The following IGFBP5 variants were observed in gnomAD, a reference collection of about 807,000 sequenced individuals.
IGFBP5 encodes insulin-like growth factor-binding protein 5.
A neutral mutation model predicts 28.0 loss-of-function variants in IGFBP5; 12 were observed. The ratio of observed to expected loss-of-function variants is 0.43; its 90% confidence interval spans 0.27 to 0.69. IGFBP5 has a LOEUF of 0.69. IGFBP5 is among the 30% of genes least tolerant of loss of function. IGFBP5 has a pLI of 0.20. For missense variants in IGFBP5, 344 were observed against 381.6 expected (o/e 0.90, Z 0.82); for synonymous variants, 152 against 150.2 (o/e 1.01, Z -0.09).
chr2:216,694,348 G>C lies in IGFBP5; in HGVS notation c.337+91C>G. 8.5e-7 allele frequency: 1 copy of C among 1,176,392 alleles called. No homozygotes were observed. Among genetic ancestry groups the C allele is most frequent in the South Asian group, 1.7e-5 (1 of 60,386 alleles). 72.9% of individuals were successfully genotyped at this position (1,176,392 alleles called of 1,614,324 possible). Reference sequence around the variant, plus strand: ...CTCCCGAGCTGCACCCCAGCTCGAAGCCACTTGCTGCGCAAAGCGCGCGGG... The same window carrying C: ...CTCCCGAGCTGCACCCCAGCTCGAACCCACTTGCTGCGCAAAGCGCGCGGG... On this transcript the variant is annotated intron_variant, in intron 1 of 3. Coordinates refer to ENST00000233813, the MANE Select transcript of IGFBP5 (RefSeq NM_000599.4). The surrounding 1 kb of genome is among the most constrained non-coding windows in gnomAD (Gnocchi z 5.2).
chr2:216,683,345 T>A (rs1689001411), intron 1 of IGFBP5, among the ~76,000 whole-genome samples: 1 of 152,100 alleles, frequency 6.6e-6, no homozygotes, highest in Non-Finnish European at 1.5e-5. Flanking sequence ...CACTGCACTC[T>A]AGCCTGGGGG....
Position 216,694,841 on chromosome 2 carries a change from C to A in IGFBP5, c.-66G>T. ...GAGCGAGAGTGCAGGGATAAAGGGG[C>A]CAAGAGGGCCCCCGGAGATTTTTTT... On this transcript the variant is annotated 5_prime_UTR_variant, in exon 1 of 4. Transcript: ENST00000233813. The surrounding 1 kb of genome is among the most constrained non-coding windows in gnomAD (Gnocchi z 5.2). The A allele has an allele frequency of 4.6e-6, 5 of 1,080,946 alleles. No homozygotes were observed. Among genetic ancestry groups the A allele is most frequent in the Non-Finnish European group, 6.0e-6 (5 of 833,922 alleles). The allele number at this position is 1,080,946 out of a possible 1,614,324, so 67.0% of individuals were successfully genotyped here. A position where few individuals can be genotyped will look rare whatever the true frequency, so the allele number is the denominator to read the frequency against.
At chr2:216,682,219 T>C (rs986864517) in intron 1 of IGFBP5, among the ~76,000 whole-genome samples, 22 of 152,070 alleles carry the variant, frequency 1.4e-4, no homozygotes, top group African/African-American at 5.1e-4. Context: ...ACCTATTCCT[T>C]AGGCAGCAGC....
intron 2 of IGFBP5, 39 bp from the exon 3 acceptor site, chr2:216,678,270 G>A (rs759734959): frequency 3.4e-6 from 5 of 1,481,824 alleles, no homozygotes; most frequent in South Asian, 2.9e-5. Context: ...GCGAGACCAA[G>A]GGAAAACCAC....
Position 216,688,328 on chromosome 2 carries a change from C to T in IGFBP5, c.337+6111G>A, listed in dbSNP as rs560679347. Among the ~76,000 whole-genome samples, 14 of 152,044 alleles carry T rather than the reference C, an allele frequency of 9.2e-5. No individual in the cohort carries two copies. In the South Asian group the frequency reaches 1.2e-3, roughly 14 times the overall value. Reference sequence around the variant, plus strand: ...GATGAGCTGTAAGTGTAAAAAACACCGGATTTCAAAGGCTAAATATGAAGG... The same window carrying T: ...GATGAGCTGTAAGTGTAAAAAACACTGGATTTCAAAGGCTAAATATGAAGG... On this transcript the variant is annotated intron_variant, in intron 1 of 3. Coordinates refer to ENST00000233813, the MANE Select transcript of IGFBP5 (RefSeq NM_000599.4).
rs1202316054 is a variant in IGFBP5 at position 216,679,088 on chromosome 2, G to A, written c.338-9C>T. 2 of 1,612,960 alleles carry A rather than the reference G, an allele frequency of 1.2e-6. No individual in the cohort carries two copies. Among genetic ancestry groups the A allele is most frequent in the African/African-American group, 2.7e-5 (2 of 74,908 alleles). ...CTCACGGGAGTCTCTCTCTGCAGGA[G>A]AAGGAGCCGGAGGGTCAGCCCCCGT... On this transcript the variant is annotated splice_polypyrimidine_tract_variant and intron_variant, in intron 1 of 3. Coordinates refer to ENST00000233813, the MANE Select transcript of IGFBP5 (RefSeq NM_000599.4). The surrounding 1 kb of genome is among the most constrained non-coding windows in gnomAD (Gnocchi z 4.6).
Position 216,675,935 on chromosome 2 carries a change from T to C in IGFBP5, c.*816A>G, listed in dbSNP as rs1326268813. On this transcript the variant is annotated 3_prime_UTR_variant, in exon 4 of 4. Transcript: ENST00000233813. ...GTAGTCACCGTGGAAGAACAAGTCT[T>C]TCCAATATTGGGGCATGTATTGATT... 6.6e-6 allele frequency: 1 copy of C among 152,426 alleles called. No individual in the cohort carries two copies. The highest frequency in any genetic ancestry group is 1.5e-5 in the Non-Finnish European group (1 of 68,020). The allele number at this position is 152,426 out of a possible 1,614,324, so 9.4% of individuals were successfully genotyped here. A position where few individuals can be genotyped will look rare whatever the true frequency, so the allele number is the denominator to read the frequency against.
Position 216,676,558 on chromosome 2 carries a change from A to C in IGFBP5, c.*193T>G. On this transcript the variant is annotated 3_prime_UTR_variant, in exon 4 of 4. Transcript: ENST00000233813. Reference sequence around the variant, plus strand: ...GGGGGGTGTCTTTTTAGCTTTTTGCATCTCTGTTGTTGCCATTTTCGAAGT... The same window carrying C: ...GGGGGGTGTCTTTTTAGCTTTTTGCCTCTCTGTTGTTGCCATTTTCGAAGT... The C allele has an allele frequency of 2.4e-6, 1 of 414,578 alleles. No homozygotes were observed. The highest frequency in any genetic ancestry group is 4.3e-6 in the Non-Finnish European group (1 of 230,710). The allele number at this position is 414,578 out of a possible 1,614,324, so 25.7% of individuals were successfully genotyped here. A position where few individuals can be genotyped will look rare whatever the true frequency, so the allele number is the denominator to read the frequency against.
chr2:216,673,070 G>A lies in IGFBP5; in HGVS notation c.*3681C>T, dbSNP rs561226267. 1 of 152,644 alleles carries A rather than the reference G, an allele frequency of 6.6e-6. No individual in the cohort carries two copies. Among genetic ancestry groups the A allele is most frequent in the East Asian group, 1.9e-4 (1 of 5,182 alleles). The allele number at this position is 152,644 out of a possible 1,614,324, so 9.5% of individuals were successfully genotyped here. ...TCTTCTCCTTAGAGCTCTTCTCTGA[G>A]GTTCCCATTCTGGGCCGGAGCCCTC... On this transcript the variant is annotated 3_prime_UTR_variant, in exon 4 of 4. Coordinates refer to ENST00000233813, the MANE Select transcript of IGFBP5 (RefSeq NM_000599.4). The surrounding 1 kb of genome is among the most constrained non-coding windows in gnomAD (Gnocchi z 4.3).
intron 2 of IGFBP5, 126 bp from the exon 3 acceptor site, chr2:216,678,357 T>C: frequency 1.0e-6 from 1 of 977,924 alleles, no homozygotes; most frequent in Non-Finnish European, 1.4e-6. Context: ...TTGGTTCTAA[T>C]CATCTGCTAC....
chr2:216,686,507 A>T (rs1232102419), intron 1 of IGFBP5, among the ~76,000 whole-genome samples: 2 of 151,970 alleles, frequency 1.3e-5, no homozygotes, highest in African/African-American at 4.8e-5. Context: ...AGTCCTAGCA[A>T]TGGGGAGTCT....
Position 216,673,227 on chromosome 2 carries a change from C to T in IGFBP5, c.*3524G>A, listed in dbSNP as rs1688856148. ...TTGAGGCCCACCCTCTAGGGGAGGC[C>T]AGCCCTGTGGGGGTACCATGGAGGC... is the stretch of plus-strand genomic sequence containing the variant. On this transcript the variant is annotated 3_prime_UTR_variant, in exon 4 of 4. Coordinates refer to ENST00000233813, the MANE Select transcript of IGFBP5 (RefSeq NM_000599.4). The surrounding 1 kb of genome is among the most constrained non-coding windows in gnomAD (Gnocchi z 4.3). 6.6e-6 allele frequency: 1 copy of T among 152,430 alleles called. No homozygotes were observed. Among genetic ancestry groups the T allele is most frequent in the Non-Finnish European group, 1.5e-5 (1 of 68,172 alleles). 9.4% of individuals were successfully genotyped at this position (152,430 alleles called of 1,614,324 possible). A position where few individuals can be genotyped will look rare whatever the true frequency, so the allele number is the denominator to read the frequency against.
At chr2:216,684,733 C>T (rs1033077587) in intron 1 of IGFBP5, among the ~76,000 whole-genome samples, 1 of 152,200 alleles carries the variant, frequency 6.6e-6, no homozygotes, top group African/African-American at 2.4e-5. Flanking sequence ...AATAAATAAC[C>T]TTTAAATGGA....
intron 1 of IGFBP5, among the ~76,000 whole-genome samples, chr2:216,680,454 G>T (rs184343658): frequency 6.6e-6 from 1 of 152,262 alleles, no homozygotes; most frequent in East Asian, 1.9e-4. Context: ...TATGCCTCTG[G>T]GCAGGTATAG....
rs541497217 is a variant in IGFBP5 at position 216,693,670 on chromosome 2, C to T, written c.337+769G>A. On this transcript the variant is annotated intron_variant, in intron 1 of 3. Coordinates refer to ENST00000233813, the MANE Select transcript of IGFBP5 (RefSeq NM_000599.4). ...GCACAGAATACCAAACCCTTCCTTT[C>T]TACTCTTCCCCACCCCCACCCCGCA... is the stretch of plus-strand genomic sequence containing the variant. Among the ~76,000 whole-genome samples the T allele has an allele frequency of 1.8e-3, 271 of 152,234 alleles. 1 individual carries two copies. Among genetic ancestry groups the T allele is most frequent in the African/African-American group, 5.8e-3 (242 of 41,546 alleles).
chr2:216,687,814 A>G (rs1689048390), intron 1 of IGFBP5, among the ~76,000 whole-genome samples: 1 of 152,178 alleles, frequency 6.6e-6, no homozygotes, highest in African/African-American at 2.4e-5. Flanking sequence ...AGCCACAGCC[A>G]CATCCCCCCA....
At position 216,675,312 on chromosome 2, in the gene IGFBP5, CAAA is replaced by C. The variant is rs1311135640; in HGVS notation, c.*1436_*1438del. On this transcript the variant is annotated 3_prime_UTR_variant, in exon 4 of 4. Coordinates refer to ENST00000233813, the MANE Select transcript of IGFBP5 (RefSeq NM_000599.4). ...CAGCATGGAGAGTGAGGGAGGCTTC[CAAA>C]AATGCACATTCTGTTCAGATGAAAG... 1 of 152,482 alleles carries C rather than the reference CAAA, an allele frequency of 6.6e-6. No individual in the cohort carries two copies. The allele number at this position is 152,482 out of a possible 1,614,324, so 9.4% of individuals were successfully genotyped here. A position where few individuals can be genotyped will look rare whatever the true frequency, so the allele number is the denominator to read the frequency against.
intron 1 of IGFBP5, among the ~76,000 whole-genome samples, chr2:216,693,672 A>T (rs1381758760): frequency 3.3e-5 from 5 of 151,182 alleles, no homozygotes; most frequent in African/African-American, 1.2e-4. Flanking sequence ...CTTCCTTTCT[A>T]CTCTTCCCCA....
intron 3 of IGFBP5, among the ~76,000 whole-genome samples, chr2:216,677,657 G>T (rs1198740470): frequency 6.6e-6 from 1 of 152,172 alleles, no homozygotes; most frequent in African/African-American, 2.4e-5. Flanking sequence ...GAAACTGCAG[G>T]GGTGGGGCCC....
Sources: gnomAD v4.1 joint callset for allele counts (sites outside exome capture counted in the v4.1 genomes callset) on GRCh38, gnomAD v4.1.1 for gene constraint, Gnocchi (gnomAD v3.1) non-coding constraint, MANE v1.5 for transcripts, NCBI Gene and HGNC (gene_info 2026-07-23, HGNC 2026-07-21) for gene names.